CACNG6: variants seen among roughly 807,000 people sequenced by gnomAD.
CACNG6 encodes the protein calcium voltage-gated channel auxiliary subunit gamma 6.
CACNG6 carries 21 observed loss-of-function variants against 23.9 expected under a neutral mutation model. The ratio of observed to expected loss-of-function variants is 0.88; its 90% CI spans 0.62 to 1.26. CACNG6 has a LOEUF of 1.26. Among genes scored for constraint, CACNG6 ranks in the 50% most tolerant of loss-of-function variants. The pLI is 0.00. For missense variants in CACNG6, 340 were observed against 352.9 expected (o/e 0.96, Z 0.29); for synonymous variants, 182 against 168.9 (o/e 1.08, Z -0.60).
In CACNG6 at chr19:53,999,847, T is replaced by C. The variant is rs547337917; in HGVS notation, c.544+76T>C. On this transcript the variant is annotated intron_variant, in intron 3 of 3. Transcript: ENST00000252729. The stretch of plus-strand genomic sequence containing the variant: ...CCAGGCACTGTTGCATGCTGGGAGA[T>C]GGGGTCTCTATGCACTGTTGCACGC... The C allele has an allele frequency of 1.5e-5, 23 of 1,554,536 alleles. No homozygotes were observed. In the East Asian group the frequency reaches 2.7e-4, roughly 18 times the overall value.
At chr19:53,998,879 C>T (rs867866114) in intron 2 of CACNG6, among the ~76,000 whole-genome samples, 1 of 152,104 alleles carries the variant, frequency 6.6e-6, no homozygotes. Flanking sequence ...GTCGCAGCCC[C>T]TCTCTGTGGG....
At chr19:54,007,777 T>G (rs958007468) in intron 3 of CACNG6, among the ~76,000 whole-genome samples, 1 of 151,552 alleles carries the variant, frequency 6.6e-6, no homozygotes, top group Non-Finnish European at 1.5e-5. Context: ...TGCGATGTAG[T>G]CCCAGCTACT....
chr19:54,002,267 G>GTTTTTTTTTTTTTT (rs138464456), intron 3 of CACNG6, among the ~76,000 whole-genome samples: 4 of 131,932 alleles, frequency 3.0e-5, no homozygotes, highest in African/African-American at 1.0e-4. Flanking sequence ...CTAATTTTCG[G>GTTTTTTTTTTTTTT]TTTTTTTGTT....
rs1413549306 is a variant in CACNG6 at position 53,993,218 on chromosome 19, C to T, written c.331+10C>T. 8 of 1,531,450 alleles carry T rather than the reference C, an allele frequency of 5.2e-6. No homozygotes were observed. The highest frequency in any genetic ancestry group is 7.0e-6 in the Non-Finnish European group (8 of 1,142,974). 94.9% of individuals were successfully genotyped at this position (1,531,450 alleles called of 1,614,324 possible). On this transcript the variant is annotated intron_variant, in intron 1 of 3. Transcript: ENST00000252729. ...GCGGAGCTGCCCGGAGGTGAGCAGC[C>T]GCCGCCCCGAGCGCAGGGCTTGCGT... is the stretch of plus-strand genomic sequence containing the variant.
chr19:54,005,401 A>G (rs1439916202), intron 3 of CACNG6, among the ~76,000 whole-genome samples: 1 of 149,910 alleles, frequency 6.7e-6, no homozygotes, highest in African/African-American at 2.4e-5. Context: ...CTCTACCAAA[A>G]ATACAAAAAC....
In CACNG6 at chr19:54,012,515, T is replaced by G; in HGVS notation, c.*326T>G. 2 of 222,000 alleles carry G rather than the reference T, an allele frequency of 9.0e-6. No individual in the cohort carries two copies. The highest frequency in any genetic ancestry group is 1.7e-5 in the Non-Finnish European group (2 of 114,918). 13.8% of individuals were successfully genotyped at this position (222,000 alleles called of 1,614,324 possible). A position where few individuals can be genotyped will look rare whatever the true frequency, so the allele number is the denominator to read the frequency against. ...AGGTCAGGGGGTCTTGGGTGGGAGT[T>G]GGGGGCCCCTTCATTTCCCAGGTCT... On this transcript the variant is annotated 3_prime_UTR_variant, in exon 4 of 4. Coordinates refer to ENST00000252729, the MANE Select transcript of CACNG6 (RefSeq NM_145814.2).
intron 1 of CACNG6, among the ~76,000 whole-genome samples, chr19:53,996,171 C>T (rs2069519141): frequency 1.3e-5 from 2 of 152,154 alleles, no homozygotes; most frequent in South Asian, 4.1e-4. Context: ...CCTGGTCCCT[C>T]TTCTATGGCC....
At chr19:54,006,119 T>TAAATAAATAAAA (rs1334248469) in intron 3 of CACNG6, among the ~76,000 whole-genome samples, 1 of 145,150 alleles carries the variant, frequency 6.9e-6, no homozygotes, top group African/African-American at 2.5e-5. Context: ...AATAAATAAA[T>TAAATAAATAAAA]AAAATAAGAA....
At chr19:53,994,369 T>G (rs1339248298) in intron 1 of CACNG6, among the ~76,000 whole-genome samples, 1 of 152,132 alleles carries the variant, frequency 6.6e-6, no homozygotes, top group Non-Finnish European at 1.5e-5. Context: ...CCGAGAGACA[T>G]TCCCATACTC....
Position 54,012,083 on chromosome 19 carries a change from G to A in CACNG6, c.677G>A (p.Gly226Glu), listed in dbSNP as rs2069723577. Residue 226 changes from glycine to glutamate, a missense_variant, in exon 4 of 4, where the codon GGG becomes GAG. By Grantham distance (98) the Gly-to-Glu change is moderately conservative. Transcript: ENST00000252729. ...EYSWSLGCGV[G>E]AGLILLLGAG... ...TCCTGGTCCCTGGGCTGCGGCGTGG[G>A]GGCCGGCCTGATCCTGCTGTTGGGG... is the stretch of plus-strand genomic sequence containing the variant. 1 of 1,583,348 alleles carries A rather than the reference G, an allele frequency of 6.3e-7. No individual in the cohort carries two copies. Among genetic ancestry groups the A allele is most frequent in the Admixed American group, 1.8e-5 (1 of 54,644 alleles).
At chr19:54,011,825 G>A in intron 3 of CACNG6, 126 bp from the exon 4 acceptor site, 1 of 443,900 alleles carries the variant, frequency 2.3e-6, no homozygotes, top group East Asian at 3.5e-5. Flanking sequence ...TGTTTAGTAA[G>A]TATTTGTTGA....
chr19:53,994,206 G>T (rs187700092), intron 1 of CACNG6, among the ~76,000 whole-genome samples: 2 of 152,238 alleles, frequency 1.3e-5, no homozygotes, highest in East Asian at 1.9e-4. Flanking sequence ...ATCTATGCCT[G>T]TTCCCCACCT....
intron 3 of CACNG6, among the ~76,000 whole-genome samples, chr19:54,001,804 G>T (rs1239055076): frequency 6.6e-6 from 1 of 152,150 alleles, no homozygotes; most frequent in Non-Finnish European, 1.5e-5. Context: ...AGATGTCACT[G>T]CATTAATGTG....
At chr19:54,001,192 C>CTT (rs36064940) in intron 3 of CACNG6, among the ~76,000 whole-genome samples, 2,069 of 142,612 alleles carry the variant, frequency 0.015, 74 homozygotes, top group African/African-American at 0.05. Context: ...TCTTTTCTTT[C>CTT]TTTTTTTTTT....
intron 3 of CACNG6, among the ~76,000 whole-genome samples, chr19:54,004,381 GTGTGTGTGTGTT>G (rs1474910718): frequency 1.5e-5 from 2 of 134,654 alleles, no homozygotes; most frequent in East Asian, 2.2e-4. Flanking sequence ...GTGTGTGTGT[GTGTGTGTGTGTT>G]TAGTAGAGAT....
chr19:54,007,009 T>C (rs307960), intron 3 of CACNG6, among the ~76,000 whole-genome samples: 112,379 of 150,824 alleles, frequency 0.75, 42,458 homozygotes, highest in East Asian at 0.95. Context: ...TTCTGATGAC[T>C]TCGCTTTAAC....
intron 3 of CACNG6, 124 bp downstream of exon 3, chr19:53,999,895 C>T: frequency 8.4e-7 from 1 of 1,196,728 alleles, no homozygotes; most frequent in Non-Finnish European, 1.2e-6. Flanking sequence ...TCTCTATGCA[C>T]TGTTGCATGC....
chr19:53,999,850 G>A, intron 3 of CACNG6, 79 bp downstream of exon 3: 1 of 1,538,530 alleles, frequency 6.5e-7, no homozygotes, highest in Non-Finnish European at 8.8e-7. Flanking sequence ...TGGGAGATGG[G>A]GTCTCTATGC....
intron 3 of CACNG6, among the ~76,000 whole-genome samples, chr19:54,003,591 C>T (rs1209701748): frequency 6.6e-6 from 1 of 152,034 alleles, no homozygotes; most frequent in Non-Finnish European, 1.5e-5. Flanking sequence ...GAACTCCTGA[C>T]CTCAGGTGAT....
Sources: gnomAD v4.1 joint callset for allele counts (sites outside exome capture counted in the v4.1 genomes callset) on GRCh38, gnomAD v4.1.1 for gene constraint, MANE v1.5 for transcripts, NCBI Gene and HGNC (gene_info 2026-07-23, HGNC 2026-07-21) for gene names.